Variants in NCKAP5 observed in about 807,000 individuals in gnomAD.
NCKAP5 encodes the protein nck-associated protein 5.
A neutral mutation model predicts 167.0 loss-of-function variants in NCKAP5; 92 were observed. That is an observed-to-expected ratio of 0.55 (90% CI 0.47 to 0.66). NCKAP5 has a LOEUF of 0.66. NCKAP5 is among the 30% of genes least tolerant of loss of function. The probability of loss-of-function intolerance (pLI) is 0.00; values close to 1 mark genes in which losing one functional copy is unlikely to be tolerated. For synonymous variants in NCKAP5, 891 were observed against 877.4 expected (o/e 1.02, Z -0.27); for missense variants, 2,378 against 2,315.0 (o/e 1.03, Z -0.56).
At chr2:133,045,059 G>GA (rs111637632) in intron 6 of NCKAP5, among the ~76,000 whole-genome samples, 37 of 90,036 alleles carry the variant, frequency 4.1e-4, no homozygotes, top group South Asian at 9.9e-4. Context: ...GTAGAAAGAA[G>GA]AAAAAAAAAA....
intron 3 of NCKAP5, among the ~76,000 whole-genome samples, chr2:133,385,901 T>C (rs1363513698): frequency 6.6e-6 from 1 of 152,246 alleles, no homozygotes; most frequent in Non-Finnish European, 1.5e-5. Context: ...ATATCCCCTT[T>C]ATCATTTTTA....
chr2:133,145,165 A>G (rs1473253128), intron 5 of NCKAP5, among the ~76,000 whole-genome samples: 1 of 152,116 alleles, frequency 6.6e-6, no homozygotes, highest in Non-Finnish European at 1.5e-5. Flanking sequence ...AAGTTGGAAT[A>G]TACAGTAAGG....
chr2:133,013,248 C>G (rs142042097), intron 6 of NCKAP5, among the ~76,000 whole-genome samples: 247 of 152,336 alleles, frequency 1.6e-3, no homozygotes, highest in African/African-American at 5.5e-3. Flanking sequence ...TTTTTGTCAG[C>G]AGGCTGCAGG....
chr2:132,973,803 A>C (rs2076902349), intron 7 of NCKAP5, among the ~76,000 whole-genome samples: 1 of 152,166 alleles, frequency 6.6e-6, no homozygotes, highest in East Asian at 1.9e-4. Context: ...CTAAGGTTAA[A>C]GCTACCTGTA....
intron 3 of NCKAP5, among the ~76,000 whole-genome samples, chr2:133,414,982 C>T (rs1689016353): frequency 1.3e-5 from 2 of 152,178 alleles, no homozygotes. Context: ...TCAATCCCGC[C>T]CTAGTGTTGA....
chr2:133,267,223 G>C (rs2089285084), intron 4 of NCKAP5: 1 of 152,050 alleles, frequency 6.6e-6, no homozygotes, highest in African/African-American at 2.4e-5. Context: ...TCCAGAAGGG[G>C]AAATAGTGCT....
At chr2:133,242,832 C>T (rs940326002) in intron 4 of NCKAP5, among the ~76,000 whole-genome samples, 4 of 152,046 alleles carry the variant, frequency 2.6e-5, no homozygotes, top group Non-Finnish European at 4.4e-5. Flanking sequence ...AGGGCACTAC[C>T]GGGAAAGTTT....
At chr2:132,867,981 T>C (rs1227045015) in intron 10 of NCKAP5, among the ~76,000 whole-genome samples, 3 of 152,184 alleles carry the variant, frequency 2.0e-5, no homozygotes, top group African/African-American at 4.8e-5. Flanking sequence ...GGCAAGAAAG[T>C]CTAGCAAAAG....
At chr2:132,733,293 T>A (rs1691199617) in intron 16 of NCKAP5, among the ~76,000 whole-genome samples, 1 of 152,194 alleles carries the variant, frequency 6.6e-6, no homozygotes, top group South Asian at 2.1e-4. Context: ...AGTCTAGCAC[T>A]GGGTAAGCGG....
chr2:133,390,333 T>C (rs1687308522), intron 3 of NCKAP5, among the ~76,000 whole-genome samples: 1 of 152,166 alleles, frequency 6.6e-6, no homozygotes, highest in Admixed American at 6.5e-5. Context: ...CAGTGATGAC[T>C]AGCTCCTTGA....
intron 3 of NCKAP5, among the ~76,000 whole-genome samples, chr2:133,478,924 C>A (rs1680184875): frequency 6.6e-6 from 1 of 151,506 alleles, no homozygotes; most frequent in Non-Finnish European, 1.5e-5. Context: ...CAATTGTCAC[C>A]CTGAAGAAAG....
chr2:133,290,744 TTTTTTG>T (rs2150513164), intron 4 of NCKAP5, among the ~76,000 whole-genome samples: 1 of 149,018 alleles, frequency 6.7e-6, no homozygotes, highest in African/African-American at 2.5e-5. Context: ...TTTTTTTTTT[TTTTTTG>T]TTGTTGTTGT....
chr2:132,762,266 A>C (rs916651394), intron 16 of NCKAP5, among the ~76,000 whole-genome samples: 3 of 149,584 alleles, frequency 2.0e-5, no homozygotes, highest in Admixed American at 6.7e-5. Flanking sequence ...TGTAATATGC[A>C]TGATTGTCTT....
At chr2:133,381,288 T>C (rs912020981) in intron 3 of NCKAP5, among the ~76,000 whole-genome samples, 1 of 152,272 alleles carries the variant, frequency 6.6e-6, no homozygotes, top group Middle Eastern at 3.4e-3. Flanking sequence ...TCCTTCTCAA[T>C]GGATATCACA....
At chr2:132,812,683 T>C (rs1333988088) in intron 11 of NCKAP5, among the ~76,000 whole-genome samples, 2 of 152,132 alleles carry the variant, frequency 1.3e-5, no homozygotes, top group Admixed American at 1.3e-4. Context: ...TGAGAAACGA[T>C]TACTCAGGAG....
At chr2:133,567,360 G>A (rs1001779759) in intron 1 of NCKAP5, among the ~76,000 whole-genome samples, 24 of 152,266 alleles carry the variant, frequency 1.6e-4, no homozygotes, top group African/African-American at 5.5e-4. Flanking sequence ...AGAGGTTCCT[G>A]TCCAGGCTGG....
At chr2:133,248,383 C>A (rs961344357) in intron 4 of NCKAP5, among the ~76,000 whole-genome samples, 2 of 152,264 alleles carry the variant, frequency 1.3e-5, no homozygotes, top group Non-Finnish European at 2.9e-5. Context: ...AGTTCCATCA[C>A]AAGGCCACCT....
intron 5 of NCKAP5, among the ~76,000 whole-genome samples, chr2:133,141,489 G>T (rs911378694): frequency 9.2e-5 from 14 of 151,596 alleles, no homozygotes; most frequent in African/African-American, 3.1e-4. Flanking sequence ...CCTTCCTTCA[G>T]TGAATGGGTA....
chr2:133,669,285 T>C, the NCKAP5 span, among the ~76,000 whole-genome samples: 8 of 152,192 alleles, frequency 5.3e-5, no homozygotes, highest in Non-Finnish European at 7.3e-5. Flanking sequence ...GTTGCAAGCC[T>C]TTCTTTAATT....
Sources: gnomAD v4.1 joint callset for allele counts (sites outside exome capture counted in the v4.1 genomes callset) on GRCh38, gnomAD v4.1.1 for gene constraint, MANE v1.5 for transcripts, NCBI Gene and HGNC (gene_info 2026-07-23, HGNC 2026-07-21) for gene names.